The following POU6F2 variants were observed in gnomAD, a reference collection of about 807,000 sequenced individuals.
POU6F2 encodes POU class 6 homeobox 2.
POU6F2 carries 31 observed loss-of-function variants against 71.3 expected under a neutral mutation model. The observed-to-expected ratio is 0.43, with a 90% CI of 0.33 to 0.59. The LOEUF is 0.59. POU6F2 is among the 20% of genes least tolerant of loss of function. The pLI is 0.04. For synonymous variants in POU6F2, 347 were observed against 355.7 expected (o/e 0.98, Z 0.27); for missense variants, 783 against 856.8 (o/e 0.91, Z 1.07).
rs569016660 is a variant in POU6F2 at position 39,237,622 on chromosome 7, AT to A, written c.598+30007del. Among the ~76,000 whole-genome samples the A allele has an allele frequency of 1.4e-3, 212 of 152,210 alleles. 1 individual carries two copies. Among genetic ancestry groups the A allele is most frequent in the African/African-American group, 4.9e-3 (203 of 41,544 alleles). ...GGTGTCCATAGATGGAGGCCTGGAC[AT>A]TTTTATCCATATAGGACTACTGCCC... On this transcript the variant is annotated intron_variant, in intron 4 of 9. Transcript: ENST00000518318.
At chr7:39,154,304 G>C (rs1172214682) in intron 2 of POU6F2, among the ~76,000 whole-genome samples, 1 of 152,050 alleles carries the variant, frequency 6.6e-6, no homozygotes. Context: ...TTTGCTTCCT[G>C]CTTCCACTTT....
chr7:39,277,156 G>C (rs1447145061), intron 4 of POU6F2, among the ~76,000 whole-genome samples: 2 of 152,130 alleles, frequency 1.3e-5, no homozygotes, highest in Non-Finnish European at 2.9e-5. Context: ...AAACAGTACA[G>C]TTTCAAGTAA....
chr7:39,357,270 T>C (rs1483512104), intron 5 of POU6F2, among the ~76,000 whole-genome samples: 1 of 152,218 alleles, frequency 6.6e-6, no homozygotes, highest in African/African-American at 2.4e-5. Context: ...TCTCCCAGTA[T>C]GAAAACAAGG....
chr7:39,191,230 G>A (rs1793657918), intron 2 of POU6F2, among the ~76,000 whole-genome samples: 1 of 152,274 alleles, frequency 6.6e-6, no homozygotes, highest in African/African-American at 2.4e-5. Flanking sequence ...GGCATGTCAT[G>A]GTTTAACTGG....
chr7:39,308,071 G>A (rs534296679), intron 4 of POU6F2, among the ~76,000 whole-genome samples: 8 of 152,156 alleles, frequency 5.3e-5, no homozygotes, highest in Admixed American at 2.6e-4. Context: ...AGGTGCCACC[G>A]AACAAAGTCC....
chr7:39,308,959 A>C (rs1447784550), intron 4 of POU6F2, among the ~76,000 whole-genome samples: 6 of 152,232 alleles, frequency 3.9e-5, no homozygotes, highest in Non-Finnish European at 8.8e-5. Context: ...CTTCTCCCTC[A>C]GTGTCCTGTG....
At chr7:39,204,589 C>T (rs541301612) in intron 3 of POU6F2, among the ~76,000 whole-genome samples, 30 of 151,316 alleles carry the variant, frequency 2.0e-4, no homozygotes, top group Non-Finnish European at 3.7e-4. Flanking sequence ...ATCTTAAAAC[C>T]CACTACAATT....
In POU6F2 at chr7:38,989,826, T is replaced by TG. The variant is rs1562656534; in HGVS notation, c.105+11768_105+11769insG. 2.9e-3 allele frequency among the ~76,000 whole-genome samples: 407 copies of TG among 139,452 alleles called. 3 individuals carry two copies. Among genetic ancestry groups the TG allele is most frequent in the South Asian group, 0.018 (75 of 4,280 alleles). 91.5% of individuals were successfully genotyped at this position (139,452 alleles called of 152,430 possible). A position where few individuals can be genotyped will look rare whatever the true frequency, so the allele number is the denominator to read the frequency against. On this transcript the variant is annotated intron_variant, in intron 1 of 9. Coordinates refer to ENST00000518318, the MANE Select transcript of POU6F2 (RefSeq NM_001370959.1). ...TTGTGTGTGTGTGTGTGTGTGTGTGTTTGTGTGTGTGTGTGTGTGTGGAAA... is the reference window on the plus strand; with the variant it reads ...TTGTGTGTGTGTGTGTGTGTGTGTGTGTTGTGTGTGTGTGTGTGTGTGGAAA...
Position 39,246,905 on chromosome 7 carries a change from C to CTTTTTTTTTTTTTTTTTTTTT in POU6F2, c.598+39288_598+39308dup, listed in dbSNP as rs398004470. Among the ~76,000 whole-genome samples, 24 of 78,156 alleles carry CTTTTTTTTTTTTTTTTTTTTT rather than the reference C, an allele frequency of 3.1e-4. 1 individual carries two copies. The highest frequency in any genetic ancestry group is 1.1e-3 in the African/African-American group (19 of 17,084). The allele number at this position is 78,156 out of a possible 152,430, so 51.3% of individuals were successfully genotyped here. On this transcript the variant is annotated intron_variant, in intron 4 of 9. Transcript: ENST00000518318. ...CCAGCTCACCCCAAATCCAGGGTGG[C>CTTTTTTTTTTTTTTTTTTTTT]TTTTTTTTTTTTTTTTTTTTTTTGC...
chr7:39,310,009 A>G (rs528089966), intron 4 of POU6F2, among the ~76,000 whole-genome samples: 106 of 152,288 alleles, frequency 7.0e-4, no homozygotes, highest in Non-Finnish European at 1.2e-3. Context: ...TAAGCGGTGG[A>G]GAATTTAGCT....
chr7:39,257,729 T>C (rs998112177), intron 4 of POU6F2, among the ~76,000 whole-genome samples: 2 of 152,100 alleles, frequency 1.3e-5, no homozygotes, highest in Non-Finnish European at 2.9e-5. Flanking sequence ...ATAATACTTA[T>C]GCATTTGAAT....
At chr7:39,118,906 T>C (rs1286565521) in intron 2 of POU6F2, among the ~76,000 whole-genome samples, 2 of 152,176 alleles carry the variant, frequency 1.3e-5, no homozygotes, top group African/African-American at 4.8e-5. Context: ...TAGAGTGACA[T>C]CAGTTTTCTC....
chr7:39,217,767 T>C (rs2128747826), intron 4 of POU6F2, among the ~76,000 whole-genome samples: 1 of 152,322 alleles, frequency 6.6e-6, no homozygotes, highest in Non-Finnish European at 1.5e-5. Flanking sequence ...CAAACCTCTG[T>C]ATCTCTGAGG....
Position 39,447,334 on chromosome 7 carries a change from T to C in POU6F2, c.1321-4199T>C, listed in dbSNP as rs1422170971. Among the ~76,000 whole-genome samples, 4 of 152,318 alleles carry C rather than the reference T, an allele frequency of 2.6e-5. No individual in the cohort carries two copies. The East Asian group carries it at 7.7e-4, about 29-fold the overall frequency. On this transcript the variant is annotated intron_variant, in intron 7 of 9. Transcript: ENST00000518318. ...TATCAGTTTGAACATACCTCATTTGTTCCCACAATTCCCAGCTCCCTGCTG... is the reference window on the plus strand; with the variant it reads ...TATCAGTTTGAACATACCTCATTTGCTCCCACAATTCCCAGCTCCCTGCTG...
intron 4 of POU6F2, among the ~76,000 whole-genome samples, chr7:39,226,212 TTC>T (rs1448847684): frequency 6.6e-6 from 1 of 152,206 alleles, no homozygotes; most frequent in Non-Finnish European, 1.5e-5. Flanking sequence ...TCTGGAAGAA[TTC>T]TGTGACATTT....
intron 1 of POU6F2, among the ~76,000 whole-genome samples, chr7:39,016,048 T>TATATAG (rs1562671283): frequency 3.3e-4 from 16 of 49,078 alleles, no homozygotes; most frequent in South Asian, 2.2e-3. Context: ...TATTATATAT[T>TATATAG]ATATATATTA....
chr7:39,085,697 C>A, intron 1 of POU6F2, 163 bp from the exon 2 acceptor site: 1 of 705,930 alleles, frequency 1.4e-6, no homozygotes, highest in Non-Finnish European at 2.4e-6. Context: ...TTGACTGCAG[C>A]CAGCAATAAC....
At chr7:39,440,546 G>C (rs1265433344) in intron 7 of POU6F2, among the ~76,000 whole-genome samples, 1 of 152,158 alleles carries the variant, frequency 6.6e-6, no homozygotes, top group Non-Finnish European at 1.5e-5. Flanking sequence ...GGTCATTTAT[G>C]TTCCTCTCTA....
chr7:39,347,233 G>T (rs1199045258), intron 5 of POU6F2, among the ~76,000 whole-genome samples: 1 of 152,158 alleles, frequency 6.6e-6, no homozygotes, highest in Non-Finnish European at 1.5e-5. Flanking sequence ...ATTATAACCT[G>T]TTGGGGAATA....
Sources: allele counts gnomAD v4.1 joint callset (sites outside exome capture counted in the v4.1 genomes callset), GRCh38; gene constraint gnomAD v4.1.1; transcripts MANE v1.5; gene names NCBI Gene and HGNC (gene_info 2026-07-23, HGNC 2026-07-21).